Variants in SLTM observed in about 807,000 individuals in gnomAD.
SLTM encodes the protein SAFB-like transcription modulator.
SLTM carries 43 observed loss-of-function variants against 134.6 expected under a neutral mutation model. That is an observed-to-expected ratio of 0.32 (90% CI 0.25 to 0.41). The LOEUF (loss-of-function observed/expected upper bound fraction) is 0.41. SLTM is among the 10% of genes least tolerant of loss of function. The pLI, the probability that SLTM is intolerant of heterozygous loss-of-function variation, is 1.00. For missense variants in SLTM, 1,055 were observed against 1,288.8 expected, an observed-to-expected ratio of 0.82 and a Z score of 2.78; for synonymous variants, 424 against 432.3, an observed-to-expected ratio of 0.98 and a Z score of 0.24.
intron 3 of SLTM, 140 bp from the exon 4 acceptor site, chr15:58,913,836 T>C: frequency 1.6e-6 from 1 of 630,304 alleles, no homozygotes; most frequent in African/African-American, 1.8e-5. Context: ...CATTTTACCT[T>C]ATATATTTAC....
At position 58,880,039 on chromosome 15, in the gene SLTM, C is replaced by G; in HGVS notation, c.3065G>C (p.Gly1022Ala). Residue 1022 changes from glycine to alanine, a missense_variant, in exon 21 of 21, where the codon GGA (glycine) becomes GCA (alanine). Physicochemically the swap from Gly to Ala is moderately conservative, Grantham distance 60 (BLOSUM62 0). This residue lies in a region of SLTM where 776 missense variants were observed against 962.2 expected (regional missense o/e 0.81). Coordinates refer to ENST00000380516, the MANE Select transcript of SLTM (RefSeq NM_024755.4). Reference sequence around the variant, plus strand: ...AGGTCCACCCTTAAATGGCTTAAATCCGGAGCCACTTCCTCTTGGCATGGA... The same window carrying G: ...AGGTCCACCCTTAAATGGCTTAAATGCGGAGCCACTTCCTCTTGGCATGGA... ...GNSMPRGSGS[G>A]FKPFKGGPPR... is the part of the protein sequence containing the mutation. 6.2e-7 allele frequency: 1 copy of G among 1,614,060 alleles called. No homozygotes were observed. Among genetic ancestry groups the G allele is most frequent in the South Asian group, 1.1e-5 (1 of 91,060 alleles).
intron 9 of SLTM, among the ~76,000 whole-genome samples, chr15:58,895,468 AAAAG>A (rs2035012322): frequency 2.0e-5 from 3 of 148,858 alleles, no homozygotes; most frequent in African/African-American, 7.8e-5. Flanking sequence ...GAGTGAGAAG[AAAAG>A]AGAGAGAACG....
intron 16 of SLTM, 79 bp downstream of exon 16, chr15:58,889,351 T>G: frequency 6.4e-7 from 1 of 1,561,634 alleles, no homozygotes. Context: ...TGGGAGCCTG[T>G]ACTTTCTAAT....
At chr15:58,930,772 TATAG>T (rs1342513245) in intron 2 of SLTM, among the ~76,000 whole-genome samples, 12 of 148,720 alleles carry the variant, frequency 8.1e-5, no homozygotes, top group Non-Finnish European at 1.3e-4. Flanking sequence ...ATATCATATA[TATAG>T]ATATATATAC....
At chr15:58,923,310 A>G (rs1169737058) in intron 2 of SLTM, among the ~76,000 whole-genome samples, 1 of 152,192 alleles carries the variant, frequency 6.6e-6, no homozygotes, top group Non-Finnish European at 1.5e-5. Context: ...GTGAGCCAAG[A>G]TTGTGCCACT....
At chr15:58,925,731 C>T (rs1270424709) in intron 2 of SLTM, among the ~76,000 whole-genome samples, 1 of 152,176 alleles carries the variant, frequency 6.6e-6, no homozygotes, top group African/African-American at 2.4e-5. Flanking sequence ...AAATATCTTA[C>T]ATTAATTATC....
intron 9 of SLTM, among the ~76,000 whole-genome samples, chr15:58,895,729 A>G (rs1280171275): frequency 3.3e-5 from 5 of 152,218 alleles, no homozygotes; most frequent in Non-Finnish European, 7.3e-5. Context: ...ATCTCTAACA[A>G]TACATTATTG....
At chr15:58,922,377 C>A (rs375262535) in intron 2 of SLTM, among the ~76,000 whole-genome samples, 95 of 61,130 alleles carry the variant, frequency 1.6e-3, no homozygotes, top group Middle Eastern at 0.021. Context: ...AACTCTGCCT[C>A]AAAAAAAAAA....
Position 58,932,449 on chromosome 15 carries a change from T to C in SLTM, c.163-6A>G. ...CCTCCTTCCTCTTCAATAGCCTACA[T>C]TAGAAAGAGAAGTTAATATGCTACA... On this transcript the variant is annotated splice_region_variant and splice_polypyrimidine_tract_variant and intron_variant, in intron 1 of 20. Transcript: ENST00000380516. 1 of 1,587,858 alleles carries C rather than the reference T, an allele frequency of 6.3e-7. No homozygotes were observed. Among genetic ancestry groups the C allele is most frequent in the Non-Finnish European group, 8.6e-7 (1 of 1,156,374 alleles).
chr15:58,893,262 CCTGATCAGAGA>C lies in SLTM; in HGVS notation c.1734+6_1734+16del. The C allele has an allele frequency of 6.3e-7, 1 of 1,587,526 alleles. No homozygotes were observed. Among genetic ancestry groups the C allele is most frequent in the Non-Finnish European group, 8.6e-7 (1 of 1,160,034 alleles). ...AACAGCTGAAGTAGTATACAACCAT[CCTGATCAGAGA>C]CTTACTTTCTCATATCTTCCTCTTC... On this transcript the variant is annotated splice_donor_region_variant and intron_variant, in intron 13 of 20. Transcript: ENST00000380516.
chr15:58,916,518 C>G (rs2036663093), intron 3 of SLTM: 1 of 154,670 alleles, frequency 6.5e-6, no homozygotes, highest in South Asian at 2.0e-4. Context: ...GCAATTTTCT[C>G]TGTGTATTTT....
chr15:58,902,560 T>C (rs1305675133), intron 5 of SLTM, among the ~76,000 whole-genome samples: 3 of 151,630 alleles, frequency 2.0e-5, no homozygotes, highest in African/African-American at 7.3e-5. Flanking sequence ...GAATTTTTTT[T>C]TTTTAATTCT....
intron 19 of SLTM, among the ~76,000 whole-genome samples, chr15:58,884,111 AAAG>A (rs2033978322): frequency 6.6e-6 from 1 of 151,944 alleles, no homozygotes; most frequent in South Asian, 2.1e-4. Context: ...AAAAAAAAAA[AAAG>A]GAGAAGTCAC....
chr15:58,928,159 A>T (rs965859798), intron 2 of SLTM, among the ~76,000 whole-genome samples: 1 of 152,206 alleles, frequency 6.6e-6, no homozygotes. Context: ...ATAGTTCTAA[A>T]TACTGTACTG....
At chr15:58,892,671 C>A (rs2034756233) in intron 14 of SLTM, among the ~76,000 whole-genome samples, 1 of 152,052 alleles carries the variant, frequency 6.6e-6, no homozygotes, top group South Asian at 2.1e-4. Flanking sequence ...GTATAATGGG[C>A]ATAACTAGCC....
intron 1 of SLTM, 77 bp downstream of exon 1, chr15:58,933,327 G>T: frequency 6.9e-7 from 1 of 1,456,150 alleles, no homozygotes; most frequent in Non-Finnish European, 9.1e-7. Context: ...GCAGCCGGAG[G>T]CTGCGGCGGA....
rs375310648 is a variant in SLTM at position 58,897,248 on chromosome 15, A to G, written c.1109-15T>C. Reference sequence around the variant, plus strand: ...ACTTGTACTTCCTAGAATAGATTTAATATCAGATGTTTAAGTATCTCAATC... The same window carrying G: ...ACTTGTACTTCCTAGAATAGATTTAGTATCAGATGTTTAAGTATCTCAATC... On this transcript the variant is annotated splice_polypyrimidine_tract_variant and intron_variant, in intron 8 of 20. Transcript: ENST00000380516. 2.2e-6 allele frequency: 3 copies of G among 1,384,824 alleles called. No homozygotes were observed. Among genetic ancestry groups the G allele is most frequent in the African/African-American group, 2.9e-5 (2 of 70,076 alleles). The allele number at this position is 1,384,824 out of a possible 1,614,324, so 85.8% of individuals were successfully genotyped here. A position where few individuals can be genotyped will look rare whatever the true frequency, so the allele number is the denominator to read the frequency against.
At position 58,893,285 on chromosome 15, in the gene SLTM, A is replaced by G. The variant is rs369178419; in HGVS notation, c.1728T>C (p.Tyr576=). The change falls in exon 13 of 21, where the codon TAT becomes TAC. Residue 576 remains tyrosine, a synonymous_variant. Transcript: ENST00000380516. The part of the protein sequence containing the change: ...DHCRPSRRGR[Y]EKIHGRSKEK... ...ATCCTGATCAGAGACTTACTTTCTCATATCTTCCTCTTCTTGATGGTCTAC... is the reference window on the plus strand; with the variant it reads ...ATCCTGATCAGAGACTTACTTTCTCGTATCTTCCTCTTCTTGATGGTCTAC... The G allele has an allele frequency of 2.9e-5, 47 of 1,607,702 alleles. No homozygotes were observed. Among genetic ancestry groups the G allele is most frequent in the South Asian group, 6.6e-5 (6 of 90,646 alleles).
intron 5 of SLTM, among the ~76,000 whole-genome samples, chr15:58,905,328 T>C (rs560977866): frequency 4.0e-4 from 61 of 152,352 alleles, no homozygotes; most frequent in African/African-American, 1.4e-3. Flanking sequence ...CATTCTCTTT[T>C]AGTTTAGTAA....
Sources: gnomAD v4.1 joint callset for allele counts (sites outside exome capture counted in the v4.1 genomes callset) on GRCh38, gnomAD v4.1.1 for gene constraint, gnomAD v4.1.1 regional missense constraint, MANE v1.5 for transcripts, NCBI Gene and HGNC (gene_info 2026-07-23, HGNC 2026-07-21) for gene names.